Variants in ERICH3 observed in about 807,000 individuals in gnomAD.
ERICH3 encodes the protein glutamate-rich protein 3.
A neutral mutation model predicts 131.1 loss-of-function variants in ERICH3; 126 were observed. The observed-to-expected ratio is 0.96, with a 90% CI of 0.83 to 1.11. The LOEUF is 1.11. Ranked by LOEUF, ERICH3 falls within the 50% of genes most tolerant of loss-of-function variation. The pLI, the probability that ERICH3 is intolerant of heterozygous loss-of-function variation, is 0.00. For missense variants in ERICH3, 2,050 were observed against 1,810.7 expected, an observed-to-expected ratio of 1.13 and a Z score of -2.40; for synonymous variants, 695 against 644.6, an observed-to-expected ratio of 1.08 and a Z score of -1.18.
At position 74,612,751 on chromosome 1, in the gene ERICH3, G is replaced by T. The variant is rs769875646; in HGVS notation, c.1059C>A (p.Phe353Leu). 6.3e-7 allele frequency: 1 copy of T among 1,599,988 alleles called. No homozygotes were observed. ...HHGFPFSLTFFLNGMQVNRLS... is the reference protein window; with the variant it reads ...HHGFPFSLTFLLNGMQVNRLS... ...ACCTGTTCACCTGCATCCCATTCAG[G>T]AAAAAGGTGAGACTGAAGGGGAAAC... Residue 353 changes from phenylalanine (F) to leucine (L), a missense_variant, in exon 9 of 15, where the codon TTC becomes TTA. Phe to Leu is a conservative substitution (Grantham distance 22). Transcript: ENST00000326665.
chr1:74,590,196 A>AC (rs1327951593), intron 11 of ERICH3, 116 bp from the exon 12 acceptor site: 1 of 899,762 alleles, frequency 1.1e-6, no homozygotes, highest in African/African-American at 1.7e-5. Context: ...TTTAATATAG[A>AC]CCTGATATCC....
chr1:74,586,348 C>T (rs1647330033), intron 12 of ERICH3: 1 of 863,444 alleles, frequency 1.2e-6, no homozygotes, highest in Non-Finnish European at 1.4e-6. Context: ...TGTAATATAG[C>T]AATATATATT....
At chr1:74,587,848 A>G (rs1298046436) in intron 12 of ERICH3, among the ~76,000 whole-genome samples, 1 of 152,208 alleles carries the variant, frequency 6.6e-6, no homozygotes, top group Non-Finnish European at 1.5e-5. Context: ...AAAGGGTTTC[A>G]AATATATTTG....
intron 1 of ERICH3, among the ~76,000 whole-genome samples, chr1:74,654,437 C>A (rs1416314163): frequency 6.6e-6 from 1 of 151,886 alleles, no homozygotes; most frequent in Non-Finnish European, 1.5e-5. Flanking sequence ...TTCTTTGGGG[C>A]TGCTCTAACA....
intron 5 of ERICH3, among the ~76,000 whole-genome samples, chr1:74,638,784 C>A (rs1013852506): frequency 5.3e-5 from 8 of 152,096 alleles, no homozygotes; most frequent in Non-Finnish European, 8.8e-5. Flanking sequence ...TACCTCTTCC[C>A]TCTGGTGAAA....
rs560762120 is a variant in ERICH3 at position 74,631,832 on chromosome 1, T to C, written c.700A>G (p.Ile234Val). 6.2e-7 allele frequency: 1 copy of C among 1,613,450 alleles called. No homozygotes were observed. The highest frequency in any genetic ancestry group is 2.2e-5 in the East Asian group (1 of 44,838). The change falls in exon 7 of 15, where the codon ATT becomes GTT. Residue 234 changes from isoleucine (I) to valine (V), a missense_variant. Ile to Val is a conservative substitution (Grantham distance 29). Coordinates refer to ENST00000326665, the MANE Select transcript of ERICH3 (RefSeq NM_001002912.5). ...LPNINSYMMP[I>V]PPPLPPTGKI... ...CCAGTTGGGGGAAGTGGAGGAGGAA[T>C]AGGCATCATGTAACTGTTAATGTTT...
In ERICH3 at chr1:74,606,823, C is replaced by T. The variant is rs371806749; in HGVS notation, c.1267G>A (p.Glu423Lys). The change falls in exon 10 of 15, where the codon GAA (glutamate) becomes AAA (lysine). Residue 423 changes from glutamate (E) to lysine (K), a missense_variant. Glu to Lys is a moderately conservative substitution (Grantham distance 56). Transcript: ENST00000326665. ...ACTTTCCCCTCAGCCTTCTTCAGTTCCTCTCCTTTCTCAGTGCTCTTTTCT... is the reference window on the plus strand; with the variant it reads ...ACTTTCCCCTCAGCCTTCTTCAGTTTCTCTCCTTTCTCAGTGCTCTTTTCT... The part of the protein sequence containing the change: ...RKEKSTEKGE[E>K]LKKAEGKVRK... 6.3e-5 allele frequency: 101 copies of T among 1,613,212 alleles called. No homozygotes were observed. In the African/African-American group the frequency reaches 1.2e-3, roughly 20 times the overall value.
chr1:74,662,411 A>ATTCATTTGTTGCAG (rs1553167917), intron 1 of ERICH3, among the ~76,000 whole-genome samples: 2 of 152,160 alleles, frequency 1.3e-5, no homozygotes, highest in Non-Finnish European at 2.9e-5. Context: ...GTGGTGAAAT[A>ATTCATTTGTTGCAG]TTCATTTGTT....
At chr1:74,594,296 G>C (rs1647744891) in intron 11 of ERICH3, among the ~76,000 whole-genome samples, 1 of 151,826 alleles carries the variant, frequency 6.6e-6, no homozygotes, top group South Asian at 2.1e-4. Flanking sequence ...GTGTGTGTGT[G>C]TGTGTGTGTA....
chr1:74,673,348 C>G, intron 1 of ERICH3, 149 bp downstream of exon 1: 1 of 845,360 alleles, frequency 1.2e-6, no homozygotes, highest in Non-Finnish European at 1.8e-6. Flanking sequence ...ATCCTCGCTG[C>G]AACCCAGAAT....
At chr1:74,629,780 C>T (rs567420906) in intron 7 of ERICH3, among the ~76,000 whole-genome samples, 12 of 152,266 alleles carry the variant, frequency 7.9e-5, no homozygotes, top group African/African-American at 2.9e-4. Flanking sequence ...TTATTTTCTT[C>T]CGGAAATAGC....
intron 10 of ERICH3, among the ~76,000 whole-genome samples, chr1:74,600,848 G>T (rs1350767559): frequency 6.6e-6 from 1 of 151,720 alleles, no homozygotes; most frequent in Non-Finnish European, 1.5e-5. Flanking sequence ...ATTACCGAGA[G>T]AATAAATGTT....
chr1:74,619,368 A>C (rs1158919360), intron 8 of ERICH3, among the ~76,000 whole-genome samples: 1 of 152,226 alleles, frequency 6.6e-6, no homozygotes, highest in East Asian at 1.9e-4. Flanking sequence ...AGTCCAGGAC[A>C]GTTTTCATCA....
At chr1:74,630,508 C>T (rs952706350) in intron 7 of ERICH3, among the ~76,000 whole-genome samples, 1 of 152,160 alleles carries the variant, frequency 6.6e-6, no homozygotes, top group Admixed American at 6.5e-5. Context: ...TGTTCCTCCA[C>T]TCTGGGTCCT....
In ERICH3 at chr1:74,569,905, T is replaced by G. The variant is rs1646915981; in HGVS notation, c.*553A>C. ...ATATACATGCCAAGAAATCTTTTGCTGGAAGAACTTAGAGATTTGGAGCAA... is the reference window on the plus strand; with the variant it reads ...ATATACATGCCAAGAAATCTTTTGCGGGAAGAACTTAGAGATTTGGAGCAA... On this transcript the variant is annotated 3_prime_UTR_variant, in exon 15 of 15. Transcript: ENST00000326665. The G allele has an allele frequency of 2.6e-5, 4 of 152,356 alleles. 1 individual carries two copies. In the South Asian group the frequency reaches 8.3e-4, roughly 32 times the overall value. 9.4% of individuals were successfully genotyped at this position (152,356 alleles called of 1,614,324 possible). A position where few individuals can be genotyped will look rare whatever the true frequency, so the allele number is the denominator to read the frequency against.
At position 74,573,238 on chromosome 1, in the gene ERICH3, C is replaced by T. The variant is rs1363943312; in HGVS notation, c.2472G>A (p.Glu824=). The change falls in exon 14 of 15, where the codon GAG becomes GAA. Residue 824 remains glutamate, a synonymous_variant. Transcript: ENST00000326665. ...PTAEQPELAE[E]FTEKREIPPG... ...GAGGGATCTCCCTTTTTTCTGTAAA[C>T]TCTTCTGCCAATTCTGGCTGCTCTG... 28 of 1,603,970 alleles carry T rather than the reference C, an allele frequency of 1.7e-5. 1 individual carries two copies. In the Admixed American group the frequency reaches 4.8e-4, roughly 28 times the overall value.
intron 6 of ERICH3, chr1:74,634,691 C>A (rs190135727): frequency 1.0e-3 from 719 of 714,354 alleles, no homozygotes; most frequent in Non-Finnish European, 1.2e-3. Flanking sequence ...AGCACCCATC[C>A]AAGTACTATC....
chr1:74,670,011 T>C (rs1185070550), intron 1 of ERICH3, among the ~76,000 whole-genome samples: 2 of 152,260 alleles, frequency 1.3e-5, no homozygotes, highest in African/African-American at 2.4e-5. Context: ...CTGAAACTTT[T>C]ATTATTTCCA....
intron 11 of ERICH3, among the ~76,000 whole-genome samples, chr1:74,595,877 ATC>A (rs1009780082): frequency 3.3e-5 from 5 of 152,104 alleles, no homozygotes; most frequent in Admixed American, 3.3e-4. Flanking sequence ...CACGCAAAAA[ATC>A]ACACATATTA....
Sources: gnomAD v4.1 joint callset for allele counts (sites outside exome capture counted in the v4.1 genomes callset) on GRCh38, gnomAD v4.1.1 for gene constraint, MANE v1.5 for transcripts, NCBI Gene and HGNC (gene_info 2026-07-23, HGNC 2026-07-21) for gene names.